GOLIM4: variants seen among roughly 807,000 people sequenced by gnomAD.
GOLIM4 encodes 130 kDa golgi-localized phosphoprotein.
Under a neutral mutation model 107.4 loss-of-function variants are expected in GOLIM4, and 71 were observed. The observed-to-expected ratio is 0.66, with a 90% CI of 0.55 to 0.81. GOLIM4 has a LOEUF of 0.81. Ranked by LOEUF, GOLIM4 falls within the 30% of genes least tolerant of loss-of-function variation. GOLIM4 has a pLI of 0.00. For missense variants in GOLIM4, 830 were observed against 826.1 expected (o/e 1.00, Z -0.06); for synonymous variants, 327 against 294.8 (o/e 1.11, Z -1.12).
intron 12 of GOLIM4, 55 bp downstream of exon 12, chr3:168,027,673 C>T (rs199949272): frequency 9.2e-7 from 1 of 1,086,506 alleles, no homozygotes; most frequent in East Asian, 2.4e-5. Context: ...GTTTTCAACT[C>T]TCTTTCCCAC....
intron 1 of GOLIM4, among the ~76,000 whole-genome samples, chr3:168,055,800 T>TC (rs1553801193): frequency 1.3e-4 from 7 of 55,188 alleles, no homozygotes; most frequent in African/African-American, 3.9e-4. Context: ...AGACTCTGTC[T>TC]CAAAAAAAAA....
At chr3:168,076,065 C>T (rs549331288) in intron 1 of GOLIM4, among the ~76,000 whole-genome samples, 266 of 152,226 alleles carry the variant, frequency 1.7e-3, no homozygotes, top group Non-Finnish European at 1.6e-3. Flanking sequence ...GAAATGCTTA[C>T]AATCAGATAC....
At chr3:168,038,870 G>A (rs954380741) in intron 7 of GOLIM4, among the ~76,000 whole-genome samples, 10 of 152,310 alleles carry the variant, frequency 6.6e-5, no homozygotes, top group South Asian at 2.1e-4. Context: ...TAATTAGGTC[G>A]TAAGGGTGAA....
rs889747480 is a variant in GOLIM4 at position 168,043,286 on chromosome 3, G to A, written c.517+93C>T. ...AAGGACCACATGATAAATGTAAATC[G>A]ATCACCACTCAAAACAACAGTCTAC... On this transcript the variant is annotated intron_variant, in intron 5 of 15. Coordinates refer to ENST00000470487, the MANE Select transcript of GOLIM4 (RefSeq NM_014498.5). 6.6e-5 allele frequency: 53 copies of A among 805,992 alleles called. No homozygotes were observed. The African/African-American group carries it at 7.8e-4, about 12-fold the overall frequency. The allele number at this position is 805,992 out of a possible 1,614,324, so 49.9% of individuals were successfully genotyped here. A position where few individuals can be genotyped will look rare whatever the true frequency, so the allele number is the denominator to read the frequency against.
At chr3:168,018,139 C>A (rs1450069423) in intron 14 of GOLIM4, among the ~76,000 whole-genome samples, 1 of 151,924 alleles carries the variant, frequency 6.6e-6, no homozygotes, top group Non-Finnish European at 1.5e-5. Flanking sequence ...CAAAGAAAGT[C>A]CGATCTTTTC....
In GOLIM4 at chr3:168,024,945, C is replaced by T; in HGVS notation, c.1774G>A (p.Val592Met). Reference protein sequence around the residue: ...QSNQKQENTEVEEHLVMAGNP... With the variant: ...QSNQKQENTEMEEHLVMAGNP... ...CTGCTTACCACCAAATGTTCCTCCA[C>T]TTCTGTATTCTCTTGCTTTTGATTA... Residue 592 changes from valine (V) to methionine (M), a missense_variant, in exon 13 of 16, where the codon GTG (valine) becomes ATG (methionine). By Grantham distance (21) the Val-to-Met change is conservative. Transcript: ENST00000470487. 1 of 1,614,026 alleles carries T rather than the reference C, an allele frequency of 6.2e-7. No homozygotes were observed. Among genetic ancestry groups the T allele is most frequent in the Non-Finnish European group, 8.5e-7 (1 of 1,179,926 alleles).
intron 1 of GOLIM4, among the ~76,000 whole-genome samples, chr3:168,056,922 C>T (rs188390864): frequency 1.1e-4 from 17 of 152,074 alleles, no homozygotes; most frequent in African/African-American, 2.9e-4. Flanking sequence ...GGGGGACTGT[C>T]GGGAAAGCAT....
In GOLIM4 at chr3:168,054,323, G is replaced by A. The variant is rs571602291; in HGVS notation, c.188-5958C>T. On this transcript the variant is annotated intron_variant, in intron 1 of 15. Transcript: ENST00000470487. Reference sequence around the variant, plus strand: ...GGCCCTCACAGGGCCTTACCCCATCGTTCATCCTGCCCGACCCCAGCAGCC... The same window carrying A: ...GGCCCTCACAGGGCCTTACCCCATCATTCATCCTGCCCGACCCCAGCAGCC... Among the ~76,000 whole-genome samples the A allele has an allele frequency of 6.6e-5, 10 of 152,224 alleles. No homozygotes were observed. In the East Asian group the frequency reaches 1.5e-3, roughly 24 times the overall value.
chr3:168,078,735 TA>T (rs1272644627), intron 1 of GOLIM4, among the ~76,000 whole-genome samples: 1 of 152,174 alleles, frequency 6.6e-6, no homozygotes, highest in African/African-American at 2.4e-5. Flanking sequence ...GGTCTGTTGT[TA>T]TTGTATTTTT....
intron 3 of GOLIM4, among the ~76,000 whole-genome samples, chr3:168,046,625 C>T (rs1192610306): frequency 2.0e-5 from 3 of 152,198 alleles, no homozygotes; most frequent in African/African-American, 7.2e-5. Context: ...GCATGTTACA[C>T]ATGTGAAGGC....
intron 14 of GOLIM4, among the ~76,000 whole-genome samples, chr3:168,020,706 G>A (rs1285920564): frequency 6.6e-6 from 1 of 152,126 alleles, no homozygotes; most frequent in Non-Finnish European, 1.5e-5. Flanking sequence ...TGAAAATTTT[G>A]TAATTTTCCA....
intron 1 of GOLIM4, among the ~76,000 whole-genome samples, chr3:168,057,165 C>A (rs988883368): frequency 2.0e-5 from 3 of 152,164 alleles, no homozygotes; most frequent in Non-Finnish European, 4.4e-5. Context: ...TGCACAAGTT[C>A]TCCTGTCTGC....
chr3:168,085,499 C>T (rs1167591863), intron 1 of GOLIM4, among the ~76,000 whole-genome samples: 1 of 152,158 alleles, frequency 6.6e-6, no homozygotes, highest in Non-Finnish European at 1.5e-5. Context: ...TCACAGGAGA[C>T]CCACAAACTT....
intron 3 of GOLIM4, 68 bp from the exon 4 acceptor site, chr3:168,044,949 G>T: frequency 1.2e-6 from 1 of 845,138 alleles, no homozygotes; most frequent in South Asian, 1.6e-5. Flanking sequence ...ACAGCTTAAA[G>T]CACTTTAAAA....
rs1296557331 is a variant in GOLIM4, at chr3:168,040,776, C to T, written c.684+10G>A. On this transcript the variant is annotated intron_variant, in intron 7 of 15. Transcript: ENST00000470487. ...GTAAAAGAACCCACAGAGGCTGCTA[C>T]CCTTCTAACCTGTGCAGCAGCTAGT... The T allele has an allele frequency of 2.5e-6, 4 of 1,578,752 alleles. No homozygotes were observed. The African/African-American group carries it at 5.4e-5, about 21-fold the overall frequency.
At chr3:168,033,098 TA>T (rs1380821682) in intron 8 of GOLIM4, among the ~76,000 whole-genome samples, 2 of 152,084 alleles carry the variant, frequency 1.3e-5, no homozygotes, top group African/African-American at 4.8e-5. Flanking sequence ...ACCTGGAAAA[TA>T]AAACCTCCAA....
chr3:168,034,232 T>A (rs901297884), intron 8 of GOLIM4, among the ~76,000 whole-genome samples: 6 of 152,188 alleles, frequency 3.9e-5, no homozygotes, highest in Admixed American at 2.0e-4. Flanking sequence ...TAAAGAGCTC[T>A]AAGTACTTTC....
intron 1 of GOLIM4, among the ~76,000 whole-genome samples, chr3:168,058,889 A>G (rs1328332743): frequency 6.6e-6 from 1 of 152,208 alleles, no homozygotes; most frequent in Admixed American, 6.5e-5. Context: ...TAGAACCTGT[A>G]TAGTACTATT....
At chr3:168,016,530 TCCC>T (rs1717373900) in intron 14 of GOLIM4, among the ~76,000 whole-genome samples, 1 of 133,250 alleles carries the variant, frequency 7.5e-6, no homozygotes, top group Non-Finnish European at 1.5e-5. Context: ...GACCCAGCCA[TCCC>T]CTTACTGGGT....
Sources: allele counts gnomAD v4.1 joint callset (sites outside exome capture counted in the v4.1 genomes callset), GRCh38; gene constraint gnomAD v4.1.1; transcripts MANE v1.5; gene names NCBI Gene and HGNC (gene_info 2026-07-23, HGNC 2026-07-21).